Variants in AUTS2 observed in about 807,000 individuals in gnomAD.
AUTS2 encodes activator of transcription and developmental regulator AUTS2, also known as autism susceptibility gene 2 protein.
A neutral mutation model predicts 112.4 loss-of-function variants in AUTS2; 17 were observed. The observed-to-expected ratio is 0.15, with a 90% CI of 0.10 to 0.23. The LOEUF is 0.23. AUTS2 is among the 10% of genes least tolerant of loss of function. AUTS2 has a pLI of 1.00. For missense variants in AUTS2, 1,510 were observed against 1,701.6 expected (o/e 0.89, Z 1.98); for synonymous variants, 751 against 702.7 (o/e 1.07, Z -1.09).
At chr7:70,088,325 C>T (rs993445398) in intron 2 of AUTS2, among the ~76,000 whole-genome samples, 2 of 151,816 alleles carry the variant, frequency 1.3e-5, no homozygotes, top group Non-Finnish European at 1.5e-5. Context: ...GATGGGGTTT[C>T]ACCATGTTAG....
chr7:70,428,826 G>A (rs1795535499), intron 4 of AUTS2, among the ~76,000 whole-genome samples: 2 of 152,116 alleles, frequency 1.3e-5, no homozygotes, highest in South Asian at 4.1e-4. Flanking sequence ...CCATCACAAG[G>A]TACCTAGAAT....
At chr7:69,959,397 T>TA (rs923071943) in intron 2 of AUTS2, among the ~76,000 whole-genome samples, 1 of 152,176 alleles carries the variant, frequency 6.6e-6, no homozygotes, top group African/African-American at 2.4e-5. Flanking sequence ...GAGCAGTAAT[T>TA]ACAAATTTGG....
chr7:69,907,061 C>T (rs1237233738), intron 2 of AUTS2, among the ~76,000 whole-genome samples: 1 of 152,148 alleles, frequency 6.6e-6, no homozygotes, highest in South Asian at 2.1e-4. Flanking sequence ...GAGCCATGTT[C>T]ACGCAACTGC....
chr7:69,758,130 A>G (rs1441855154), intron 1 of AUTS2, among the ~76,000 whole-genome samples: 3 of 152,242 alleles, frequency 2.0e-5, no homozygotes, highest in African/African-American at 4.8e-5. Context: ...TGCTGTAATC[A>G]TTGAGGTGCT....
intron 4 of AUTS2, among the ~76,000 whole-genome samples, chr7:70,301,155 T>C (rs753100669): frequency 3.3e-5 from 5 of 152,196 alleles, no homozygotes; most frequent in Admixed American, 6.5e-5. Context: ...ATATTTTATT[T>C]GCGTGCATAG....
At chr7:70,725,003 G>A (rs1261239663) in intron 6 of AUTS2, among the ~76,000 whole-genome samples, 5 of 152,208 alleles carry the variant, frequency 3.3e-5, no homozygotes, top group Admixed American at 3.3e-4. Context: ...TGCTTGTGCA[G>A]GGGTGGGAGA....
intron 1 of AUTS2, among the ~76,000 whole-genome samples, chr7:69,890,657 C>G (rs1794478597): frequency 6.6e-6 from 1 of 151,404 alleles, no homozygotes; most frequent in African/African-American, 2.4e-5. Flanking sequence ...AAAAGGTTAG[C>G]CTCTGAATAA....
At chr7:70,722,930 A>G (rs1786784637) in intron 6 of AUTS2, among the ~76,000 whole-genome samples, 1 of 152,184 alleles carries the variant, frequency 6.6e-6, no homozygotes, top group South Asian at 2.1e-4. Flanking sequence ...TTGTCATGTT[A>G]CTTCAGCTTT....
intron 4 of AUTS2, among the ~76,000 whole-genome samples, chr7:70,303,599 G>A (rs981023710): frequency 3.3e-5 from 5 of 152,100 alleles, no homozygotes; most frequent in African/African-American, 1.2e-4. Flanking sequence ...GAGACTCTTT[G>A]CACTCTAATC....
Position 69,899,379 on chromosome 7 carries a change from T to G in AUTS2, c.403T>G (p.Phe135Val). The stretch of plus-strand genomic sequence containing the variant: ...AGAAGCACTTACCAATGGCTTGTCC[T>G]TTCATTCAAAGAAGAGCAGACTCAG... The part of the protein sequence containing the change: ...KREALTNGLS[F>V]HSKKSRLSHP... The change falls in exon 2 of 19, where the codon TTT becomes GTT. Residue 135 changes from phenylalanine to valine, a missense_variant. Around this residue, in one of 3 missense-constraint regions of AUTS2, gnomAD observed 535 missense variants for 594.3 expected, o/e 0.90. Coordinates refer to ENST00000342771, the MANE Select transcript of AUTS2 (RefSeq NM_015570.4). 6.2e-7 allele frequency: 1 copy of G among 1,614,056 alleles called. No individual in the cohort carries two copies. The highest frequency in any genetic ancestry group is 8.5e-7 in the Non-Finnish European group (1 of 1,179,932).
intron 15 of AUTS2, chr7:70,784,429 G>A (rs973746841): frequency 1.3e-5 from 2 of 152,178 alleles, no homozygotes; most frequent in Non-Finnish European, 2.9e-5. Flanking sequence ...TTGGTCCTCC[G>A]AGATGCTCTA....
intron 2 of AUTS2, among the ~76,000 whole-genome samples, chr7:69,914,698 A>C (rs1214502640): frequency 6.6e-6 from 1 of 151,480 alleles, no homozygotes; most frequent in Admixed American, 6.6e-5. Flanking sequence ...AAGCAGAAAG[A>C]CGGAGAGGAA....
chr7:70,073,380 G>A (rs560855725), intron 2 of AUTS2, among the ~76,000 whole-genome samples: 3 of 151,768 alleles, frequency 2.0e-5, no homozygotes, highest in East Asian at 3.9e-4. Flanking sequence ...GCATGATGGC[G>A]CACACCTGTA....
intron 1 of AUTS2, among the ~76,000 whole-genome samples, chr7:69,834,544 C>A (rs1468499451): frequency 6.6e-6 from 1 of 152,200 alleles, no homozygotes; most frequent in Non-Finnish European, 1.5e-5. Context: ...GGAGGAATTG[C>A]TGCTTTATGA....
chr7:70,666,925 G>A (rs976092246), intron 5 of AUTS2, among the ~76,000 whole-genome samples: 4 of 149,306 alleles, frequency 2.7e-5, no homozygotes, highest in Non-Finnish European at 5.9e-5. Context: ...AATAGAGAAT[G>A]ATGTTGTTGA....
chr7:70,645,736 C>T (rs964734419), intron 5 of AUTS2, among the ~76,000 whole-genome samples: 2 of 152,214 alleles, frequency 1.3e-5, no homozygotes, highest in East Asian at 1.9e-4. Flanking sequence ...ATTTAATTAA[C>T]GGTTATTAGT....
At chr7:70,608,889 CT>C in intron 5 of AUTS2, among the ~76,000 whole-genome samples, 1 of 152,304 alleles carries the variant, frequency 6.6e-6, no homozygotes, top group African/African-American at 2.4e-5. Flanking sequence ...CAGCAAGGTG[CT>C]GTCATATCAC....
intron 1 of AUTS2, among the ~76,000 whole-genome samples, chr7:69,662,553 T>C (rs1202555636): frequency 6.6e-6 from 1 of 152,146 alleles, no homozygotes; most frequent in Non-Finnish European, 1.5e-5. Context: ...ATTTCTGCCT[T>C]AGAAAGAGGA....
At chr7:70,461,293 G>A (rs1477723960) in intron 5 of AUTS2, among the ~76,000 whole-genome samples, 1 of 152,096 alleles carries the variant, frequency 6.6e-6, no homozygotes, top group Non-Finnish European at 1.5e-5. Context: ...CAATAGGAAC[G>A]CTTCGAACTG....
Sources: gnomAD v4.1 joint callset for allele counts (sites outside exome capture counted in the v4.1 genomes callset) on GRCh38, gnomAD v4.1.1 for gene constraint, gnomAD v4.1.1 regional missense constraint, MANE v1.5 for transcripts, NCBI Gene and HGNC (gene_info 2026-07-23, HGNC 2026-07-21) for gene names.